TEX14: variants seen among roughly 807,000 people sequenced by gnomAD.
The protein encoded by TEX14 is testis expressed 14, intercellular bridge forming factor.
Under a neutral mutation model 178.6 loss-of-function variants are expected in TEX14, and 168 were observed. That is an observed-to-expected ratio of 0.94 (90% CI 0.83 to 1.07). The LOEUF (loss-of-function observed/expected upper bound fraction) is 1.07, where lower values mean the gene tolerates loss of function less well. TEX14 is among the 50% of genes least tolerant of loss of function. The pLI is 0.00. For missense variants in TEX14, 1,730 were observed against 1,753.6 expected (o/e 0.99, Z 0.24); for synonymous variants, 626 against 634.1 (o/e 0.99, Z 0.19).
rs895681222 is a variant in TEX14, at chr17:58,641,615, T to G, written c.136+10251A>C. Among the ~76,000 whole-genome samples, 3 of 151,894 alleles carry G rather than the reference T, an allele frequency of 2.0e-5. No homozygotes were observed. In the East Asian group the frequency reaches 5.8e-4, roughly 30 times the overall value. ...TCCCAGGTTCAGGTTCAAGTGATTCTCCTGCCTCGGCCTCCCTAACAGCTG... is the reference window on the plus strand; with the variant it reads ...TCCCAGGTTCAGGTTCAAGTGATTCGCCTGCCTCGGCCTCCCTAACAGCTG... On this transcript the variant is annotated intron_variant, in intron 2 of 31. Transcript: ENST00000349033.
chr17:58,579,558 T>G (rs2044760421), intron 20 of TEX14, 107 bp downstream of exon 20: 5 of 909,870 alleles, frequency 5.5e-6, no homozygotes, highest in Non-Finnish European at 8.8e-6. Flanking sequence ...ATGAAAGGTT[T>G]GGACGAGGCT....
chr17:58,630,206 G>A (rs1227282691), intron 3 of TEX14, among the ~76,000 whole-genome samples: 5 of 151,336 alleles, frequency 3.3e-5, no homozygotes, highest in African/African-American at 4.8e-5. Context: ...ACAGGCATGC[G>A]CCACCACGCC....
chr17:58,674,870 C>T (rs1232491755), intron 1 of TEX14, among the ~76,000 whole-genome samples: 2 of 148,320 alleles, frequency 1.3e-5, no homozygotes, highest in Non-Finnish European at 3.0e-5. Flanking sequence ...GTAGGCCGGG[C>T]ACGGTGGCTC....
chr17:58,590,983 T>A lies in TEX14; in HGVS notation c.2576+2572A>T, dbSNP rs144223844. Among the ~76,000 whole-genome samples, 165 of 152,256 alleles carry A rather than the reference T, an allele frequency of 1.1e-3. 1 individual carries two copies. Among genetic ancestry groups the A allele is most frequent in the African/African-American group, 3.9e-3 (160 of 41,552 alleles). Reference sequence around the variant, plus strand: ...CATATCGTAATTGTCACTTTTTTTTTAAGCACACAAAAAGACTAGAGGAAC... The same window carrying A: ...CATATCGTAATTGTCACTTTTTTTTAAAGCACACAAAAAGACTAGAGGAAC... On this transcript the variant is annotated intron_variant, in intron 15 of 31. Transcript: ENST00000349033.
intron 31 of TEX14, 146 bp downstream of exon 31, chr17:58,557,653 C>T: frequency 1.7e-6 from 1 of 601,552 alleles, no homozygotes; most frequent in Non-Finnish European, 2.9e-6. Context: ...TAACTATAAA[C>T]ACTAACATTT....
At chr17:58,559,404 CA>C (rs1217839400) in intron 30 of TEX14, 48 bp downstream of exon 30, 12 of 801,322 alleles carry the variant, frequency 1.5e-5, no homozygotes, top group Non-Finnish European at 2.5e-5. Context: ...TGAAGCACAT[CA>C]AAGCCCAAGG....
chr17:58,690,502 A>G (rs1480090968), intron 1 of TEX14, among the ~76,000 whole-genome samples: 1 of 152,152 alleles, frequency 6.6e-6, no homozygotes, highest in Admixed American at 6.5e-5. Flanking sequence ...AACGAAAGAA[A>G]TTCTAAACAC....
intron 10 of TEX14, 141 bp downstream of exon 10, chr17:58,611,020 C>T (rs570276883): frequency 3.1e-6 from 2 of 638,390 alleles, no homozygotes; most frequent in African/African-American, 3.6e-5. Context: ...CAGGGTAAGG[C>T]ATTTGGGACA....
chr17:58,571,254 G>A (rs62083523), intron 24 of TEX14, among the ~76,000 whole-genome samples: 1 of 77,892 alleles, frequency 1.3e-5, no homozygotes, highest in Non-Finnish European at 2.6e-5. Context: ...TTTTTTTTTG[G>A]AGACAGGGTC....
At chr17:58,656,925 C>CAAAAAAAA (rs60626361) in intron 1 of TEX14, among the ~76,000 whole-genome samples, 45 of 79,486 alleles carry the variant, frequency 5.7e-4, no homozygotes, top group East Asian at 1.0e-3. Context: ...TCCCATCTCA[C>CAAAAAAAA]AAAAAAAAAA....
chr17:58,558,463 C>A (rs1301379910), intron 30 of TEX14, among the ~76,000 whole-genome samples: 1 of 152,152 alleles, frequency 6.6e-6, no homozygotes, highest in Admixed American at 6.5e-5. Flanking sequence ...CAAAGTAATA[C>A]CCCAAATTCT....
chr17:58,587,707 G>A, intron 16 of TEX14, 41 bp from the exon 17 acceptor site: 1 of 1,413,996 alleles, frequency 7.1e-7, no homozygotes, highest in Non-Finnish European at 9.9e-7. Flanking sequence ...GGAGCGGGGT[G>A]GACACAAACA....
chr17:58,595,890 A>G (rs971878543), intron 14 of TEX14, among the ~76,000 whole-genome samples: 2 of 152,268 alleles, frequency 1.3e-5, no homozygotes, highest in African/African-American at 4.8e-5. Context: ...TATAATATAT[A>G]AAAGTTATTT....
Position 58,616,294 on chromosome 17 carries a change from A to G in TEX14, c.648T>C (p.Thr216=). The G allele has an allele frequency of 6.2e-7, 1 of 1,613,000 alleles. No homozygotes were observed. The highest frequency in any genetic ancestry group is 8.5e-7 in the Non-Finnish European group (1 of 1,179,658). ...YSFGFGKFYL[T]GATQMAYLGS... ...CTAGATAGGCCATCTGTGTCGCCCC[A>G]GTAAGATAAAACTGAAACCAAGGCA... Residue 216 remains threonine, a synonymous_variant, in exon 7 of 32, where the codon ACT becomes ACC. Transcript: ENST00000349033.
chr17:58,632,071 C>A (rs1438322062), intron 2 of TEX14, among the ~76,000 whole-genome samples: 1 of 152,202 alleles, frequency 6.6e-6, no homozygotes, highest in Non-Finnish European at 1.5e-5. Flanking sequence ...TCACTCAGAG[C>A]TCCTTTCTAA....
chr17:58,585,505 G>A (rs187610589), intron 18 of TEX14, among the ~76,000 whole-genome samples: 1 of 151,554 alleles, frequency 6.6e-6, no homozygotes, highest in Non-Finnish European at 1.5e-5. Context: ...GCAGTTTCAT[G>A]ATCACAGCTC....
intron 1 of TEX14, among the ~76,000 whole-genome samples, chr17:58,680,919 T>A (rs2047490394): frequency 6.6e-6 from 1 of 152,106 alleles, no homozygotes; most frequent in Admixed American, 6.6e-5. Flanking sequence ...GTTTATAACT[T>A]TTTTTTCCTT....
At chr17:58,609,790 A>C (rs932496489) in intron 10 of TEX14, among the ~76,000 whole-genome samples, 2 of 152,216 alleles carry the variant, frequency 1.3e-5, no homozygotes, top group Non-Finnish European at 2.9e-5. Flanking sequence ...GCACATACGC[A>C]AAGGCCTGTT....
chr17:58,566,279 G>A (rs934668928), intron 26 of TEX14, among the ~76,000 whole-genome samples: 22 of 152,146 alleles, frequency 1.4e-4, no homozygotes, highest in Admixed American at 9.2e-4. Flanking sequence ...CTGTGTTATT[G>A]TTACTCCTAT....
Sources: gnomAD v4.1 joint callset for allele counts (sites outside exome capture counted in the v4.1 genomes callset) on GRCh38, gnomAD v4.1.1 for gene constraint, MANE v1.5 for transcripts, NCBI Gene and HGNC (gene_info 2026-07-23, HGNC 2026-07-21) for gene names.